The following CLASRP variants were observed in gnomAD, a reference collection of about 807,000 sequenced individuals.
CLASRP encodes CLK4 associating serine/arginine rich protein.
Under a neutral mutation model 99.9 loss-of-function variants are expected in CLASRP, and 52 were observed. The observed-to-expected ratio is 0.52, with a 90% confidence interval of 0.42 to 0.66. The LOEUF (loss-of-function observed/expected upper bound fraction) is 0.66. CLASRP is among the 30% of genes least tolerant of loss of function. The probability of loss-of-function intolerance (pLI) is 0.00; values close to 1 mark genes in which losing one functional copy is unlikely to be tolerated. For missense variants in CLASRP, 848 were observed against 999.2 expected (o/e 0.85, Z 2.04); for synonymous variants, 379 against 373.0 (o/e 1.02, Z -0.18).
chr19:45,046,542 C>G lies in CLASRP; in HGVS notation c.100-5529C>G, dbSNP rs533169713. Among the ~76,000 whole-genome samples the G allele has an allele frequency of 3.9e-5, 6 of 152,326 alleles. No individual in the cohort carries two copies. In the East Asian group the frequency reaches 9.6e-4, roughly 24 times the overall value. ...TCAGCGCTGTCCACTCTAGGTTGTC[C>G]TTGTATGGGGACAAGTCTGTGTCCC... On this transcript the variant is annotated intron_variant, in intron 2 of 20. Coordinates refer to ENST00000221455, the MANE Select transcript of CLASRP (RefSeq NM_007056.3).
intron 13 of CLASRP, 98 bp downstream of exon 13, chr19:45,064,728 C>G: frequency 6.9e-7 from 1 of 1,448,228 alleles, no homozygotes; most frequent in Non-Finnish European, 9.1e-7. Context: ...GGCCGTCCAG[C>G]TCAGAGAACA....
At chr19:45,056,050 G>T (rs1972113294) in intron 5 of CLASRP, among the ~76,000 whole-genome samples, 1 of 152,088 alleles carries the variant, frequency 6.6e-6, no homozygotes, top group Non-Finnish European at 1.5e-5. Flanking sequence ...CCACAGAGAG[G>T]CATGCAGTGG....
intron 19 of CLASRP, 136 bp from the exon 20 acceptor site, chr19:45,070,401 C>G: frequency 3.7e-6 from 3 of 806,508 alleles, no homozygotes; most frequent in Non-Finnish European, 6.6e-6. Context: ...CAGATGGCAG[C>G]CACTGGACTC....
At chr19:45,050,955 G>T (rs1972011766) in intron 2 of CLASRP, among the ~76,000 whole-genome samples, 1 of 152,024 alleles carries the variant, frequency 6.6e-6, no homozygotes, top group Admixed American at 6.6e-5. Context: ...CTGACCTCAG[G>T]TGATCCGCCT....
At chr19:45,057,245 C>G (rs750392725) in intron 6 of CLASRP, among the ~76,000 whole-genome samples, 16 of 152,208 alleles carry the variant, frequency 1.1e-4, no homozygotes, top group Non-Finnish European at 1.8e-4. Flanking sequence ...CTCAGTGACA[C>G]CTTCCCTCCT....
At chr19:45,052,657 G>A in intron 3 of CLASRP, 134 bp from the exon 4 acceptor site, 2 of 650,370 alleles carry the variant, frequency 3.1e-6, no homozygotes, top group Non-Finnish European at 5.4e-6. Flanking sequence ...GGGTTGAGGT[G>A]AGGGTCATGG....
intron 7 of CLASRP, 45 bp downstream of exon 7, chr19:45,057,943 C>T (rs779722706): frequency 2.2e-5 from 36 of 1,609,834 alleles, no homozygotes; most frequent in East Asian, 4.5e-5. Flanking sequence ...CCCTGGGCAT[C>T]GTTTCTGTGT....
Position 45,064,258 on chromosome 19 carries a change from C to A in CLASRP, c.1121+31C>A, listed in dbSNP as rs571853494. 54 of 1,548,470 alleles carry A rather than the reference C, an allele frequency of 3.5e-5. No individual in the cohort carries two copies. In the South Asian group the frequency reaches 6.2e-4, roughly 18 times the overall value. On this transcript the variant is annotated intron_variant, in intron 12 of 20. Transcript: ENST00000221455. ...TAACGCTCACGCCGCCCGCCCTACGCCCCGGTCACCATGGGGGGTACCCGG... is the reference window on the plus strand; with the variant it reads ...TAACGCTCACGCCGCCCGCCCTACGACCCGGTCACCATGGGGGGTACCCGG...
chr19:45,041,048 C>G (rs978918793), intron 2 of CLASRP, among the ~76,000 whole-genome samples: 3 of 151,742 alleles, frequency 2.0e-5, no homozygotes. Flanking sequence ...CGGTGAAACC[C>G]CATCTCTATT....
intron 7 of CLASRP, among the ~76,000 whole-genome samples, chr19:45,058,626 C>G (rs575364091): frequency 6.6e-6 from 1 of 152,232 alleles, no homozygotes; most frequent in South Asian, 2.1e-4. Context: ...ACCTCGTGAT[C>G]CACTTGCCTC....
At chr19:45,058,538 A>AC (rs1972165266) in intron 7 of CLASRP, among the ~76,000 whole-genome samples, 1 of 152,096 alleles carries the variant, frequency 6.6e-6, no homozygotes, top group African/African-American at 2.4e-5. Context: ...GGCACACGCC[A>AC]CCACGCCCAG....
In CLASRP at chr19:45,053,196, G is replaced by T; in HGVS notation, c.379+19G>T. ...GCCGGCAGTGAGTGATCTGTGGGGG[G>T]ACGTGGGGTGTGGGGTTTGAGCCTG... On this transcript the variant is annotated intron_variant, in intron 5 of 20. Transcript: ENST00000221455. The T allele has an allele frequency of 6.2e-7, 1 of 1,613,174 alleles. No individual in the cohort carries two copies. The highest frequency in any genetic ancestry group is 8.5e-7 in the Non-Finnish European group (1 of 1,179,228).
At chr19:45,055,308 G>T (rs547591152) in intron 5 of CLASRP, among the ~76,000 whole-genome samples, 55 of 152,356 alleles carry the variant, frequency 3.6e-4, no homozygotes, top group African/African-American at 1.3e-3. Context: ...GCCGAGAGCA[G>T]CCTGTGCAAA....
intron 2 of CLASRP, 87 bp downstream of exon 2, chr19:45,040,398 A>G: frequency 1.2e-6 from 1 of 858,744 alleles, no homozygotes; most frequent in Non-Finnish European, 1.9e-6. Context: ...GCTTGGAAGT[A>G]TGTCAAGACA....
chr19:45,051,864 A>G (rs1252274636), intron 2 of CLASRP, among the ~76,000 whole-genome samples: 1 of 152,120 alleles, frequency 6.6e-6, no homozygotes, highest in African/African-American at 2.4e-5. Context: ...GCTACTCAGA[A>G]AGCTGAGGCA....
Position 45,068,331 on chromosome 19 carries a change from C to T in CLASRP, c.1708-89C>T, listed in dbSNP as rs1358901269. ...CGTTCTCCCCCCCCCACCCCCCCCC[C>T]GCACAAAGCCCCAGGCTTTTGGCTG... On this transcript the variant is annotated intron_variant, in intron 15 of 20. Coordinates refer to ENST00000221455, the MANE Select transcript of CLASRP (RefSeq NM_007056.3). The T allele has an allele frequency of 2.1e-4, 135 of 647,158 alleles. 3 individuals carry two copies. Among genetic ancestry groups the T allele is most frequent in the Admixed American group, 6.8e-4 (28 of 41,288 alleles). 40.1% of individuals were successfully genotyped at this position (647,158 alleles called of 1,614,324 possible).
Position 45,060,464 on chromosome 19 carries a change from C to T in CLASRP, c.786C>T (p.Tyr262=), listed in dbSNP as rs1966914675. ...AKALEEEKAM[Y]SGRRSRRQRR... is the part of the protein sequence containing the mutation. ...CTCTTGAGGAGGAGAAGGCCATGTA[C>T]TCGGTGAGGTCTGGGCTGGAGTGGA... is the stretch of plus-strand genomic sequence containing the variant. Residue 262 remains tyrosine, a synonymous_variant, in exon 9 of 21, where the codon TAC becomes TAT. Coordinates refer to ENST00000221455, the MANE Select transcript of CLASRP (RefSeq NM_007056.3). This position sits in a 1 kb window ranked among gnomAD's most constrained non-coding sequence, Gnocchi z 4.6. 6.2e-7 allele frequency: 1 copy of T among 1,614,036 alleles called. No individual in the cohort carries two copies. The highest frequency in any genetic ancestry group is 8.5e-7 in the Non-Finnish European group (1 of 1,180,016).
chr19:45,046,533 T>C (rs2122537615), intron 2 of CLASRP, among the ~76,000 whole-genome samples: 1 of 152,306 alleles, frequency 6.6e-6, no homozygotes, highest in East Asian at 1.9e-4. Flanking sequence ...CTGTCCACTC[T>C]AGGTTGTCCT....
rs1971796206 is a variant in CLASRP at position 45,040,697 on chromosome 19, T to G, written c.99+386T>G. 1.7e-5 allele frequency: 3 copies of G among 180,960 alleles called. No homozygotes were observed. The South Asian group carries it at 3.1e-4, about 19-fold the overall frequency. The allele number at this position is 180,960 out of a possible 1,614,324, so 11.2% of individuals were successfully genotyped here. A position where few individuals can be genotyped will look rare whatever the true frequency, so the allele number is the denominator to read the frequency against. On this transcript the variant is annotated intron_variant, in intron 2 of 20. Transcript: ENST00000221455. ...CTTGGCACACAATAGGAGTGAGTAT[T>G]AAGTTGGCCTGGCACAGTGGCTCAC...
Sources: allele counts gnomAD v4.1 joint callset (sites outside exome capture counted in the v4.1 genomes callset), GRCh38; gene constraint gnomAD v4.1.1; non-coding constraint Gnocchi (gnomAD v3.1); transcripts MANE v1.5; gene names NCBI Gene and HGNC (gene_info 2026-07-23, HGNC 2026-07-21).